HUWE1: variants seen among roughly 807,000 people sequenced by gnomAD.
HUWE1 encodes the protein HECT, UBA and WWE domain containing E3 ubiquitin protein ligase 1, also known as E3 ubiquitin-protein ligase HUWE1.
In HUWE1, 18 loss-of-function variants were observed where a neutral mutation model predicts 299.4. The observed-to-expected ratio is 0.06, with a 90% CI of 0.04 to 0.09. HUWE1 has a LOEUF of 0.09. HUWE1 is among the 10% of genes least tolerant of loss of function. The pLI, the probability that HUWE1 is intolerant of heterozygous loss-of-function variation, is 1.00. For synonymous variants in HUWE1, 1,317 were observed against 1,286.1 expected (o/e 1.02, Z -0.51); for missense variants, 1,832 against 3,462.3 (o/e 0.53, Z 11.82).
rs782493589 is a variant in HUWE1, at chrX:53,549,744, C to T, written c.9489-239G>A. Reference sequence around the variant, plus strand: ...CTGCTGTACAGCTTAGAGAATGAAGCCCCCCACCCCCACCAGCTTTTTGTT... The same window carrying T: ...CTGCTGTACAGCTTAGAGAATGAAGTCCCCCACCCCCACCAGCTTTTTGTT... On this transcript the variant is annotated intron_variant, in intron 66 of 83. Coordinates refer to ENST00000262854, the MANE Select transcript of HUWE1 (RefSeq NM_031407.7). Among the ~76,000 whole-genome samples, 169 of 108,823 alleles carry T rather than the reference C, an allele frequency of 1.6e-3. 1 individual carries two copies. The highest frequency in any genetic ancestry group is 5.3e-3 in the African/African-American group (157 of 29,854). The allele number at this position is 108,823 out of a possible 115,157, so 94.5% of individuals were successfully genotyped here.
intron 74 of HUWE1, among the ~76,000 whole-genome samples, chrX:53,540,402 C>T (rs1327699078): frequency 9.1e-6 from 1 of 110,122 alleles, no homozygotes; most frequent in Admixed American, 9.6e-5. Flanking sequence ...GACCTTGGCT[C>T]ACTGCAACCT....
At chrX:53,615,075 G>A (rs1226174802) in intron 22 of HUWE1, among the ~76,000 whole-genome samples, 2 of 105,418 alleles carry the variant, frequency 1.9e-5, no homozygotes, top group Non-Finnish European at 3.9e-5. Flanking sequence ...AGCTAATAAG[G>A]CGGGGGTGGG....
Position 53,586,485 on chromosome X carries a change from C to T in HUWE1, c.4824+5G>A. On this transcript the variant is annotated splice_donor_5th_base_variant and intron_variant, in intron 39 of 83. Coordinates refer to ENST00000262854, the MANE Select transcript of HUWE1 (RefSeq NM_031407.7). ...TCCTGCAGTCATACATACTACATTA[C>T]ACACCTTAGTCATCTGGGCTCTCCT... The T allele has an allele frequency of 8.4e-7, 1 of 1,184,130 alleles. No individual in the cohort carries two copies. The highest frequency in any genetic ancestry group is 1.1e-6 in the Non-Finnish European group (1 of 870,786).
chrX:53,668,441 CAAAAAAA>C (rs782645523), intron 3 of HUWE1, among the ~76,000 whole-genome samples: 2 of 40,356 alleles, frequency 5.0e-5, no homozygotes, highest in African/African-American at 9.0e-5. Flanking sequence ...GACTCCATCT[CAAAAAAA>C]AAAAAAAAAA....
At chrX:53,672,513 C>T (rs2149545329) in intron 3 of HUWE1, among the ~76,000 whole-genome samples, 1 of 110,929 alleles carries the variant, frequency 9.0e-6, no homozygotes, top group African/African-American at 3.3e-5. Context: ...CCCACCTTGG[C>T]CTCCCAAAGT....
intron 28 of HUWE1, among the ~76,000 whole-genome samples, chrX:53,601,356 A>AT (rs1174512723): frequency 3.7e-5 from 4 of 107,544 alleles, no homozygotes; most frequent in African/African-American, 1.0e-4. Context: ...TAATTTTTGT[A>AT]TTTTTTTTGT....
In HUWE1 at chrX:53,588,070, C is replaced by CT. The variant is rs1200519263; in HGVS notation, c.4614+311dup. ...CCAAGCTCTGTTAGTAATTTAAATA[C>CT]TTTTTTTTTAAACTACCACCTCACA... is the stretch of plus-strand genomic sequence containing the variant. On this transcript the variant is annotated intron_variant, in intron 37 of 83. Coordinates refer to ENST00000262854, the MANE Select transcript of HUWE1 (RefSeq NM_031407.7). Among the ~76,000 whole-genome samples, 423 of 110,435 alleles carry CT rather than the reference C, an allele frequency of 3.8e-3. 2 individuals carry two copies. Among genetic ancestry groups the CT allele is most frequent in the African/African-American group, 0.014 (412 of 30,364 alleles).
Position 53,535,297 on chromosome X carries a change from G to C in HUWE1, c.12649+87C>G. 6.4e-6 allele frequency: 4 copies of C among 622,725 alleles called. No homozygotes were observed. In the Admixed American group the frequency reaches 6.7e-5, roughly 10 times the overall value. The allele number at this position is 622,725 out of a possible 1,213,427, so 51.3% of individuals were successfully genotyped here. A position where few individuals can be genotyped will look rare whatever the true frequency, so the allele number is the denominator to read the frequency against. On this transcript the variant is annotated intron_variant, in intron 81 of 83. Transcript: ENST00000262854. ...AGGCATTTGTGGCTCTGTCATAGCAGAGGAAAACAAAACATGCCTATCAAA... is the reference window on the plus strand; with the variant it reads ...AGGCATTTGTGGCTCTGTCATAGCACAGGAAAACAAAACATGCCTATCAAA...
intron 26 of HUWE1, 126 bp from the exon 27 acceptor site, chrX:53,603,627 T>C: frequency 1.7e-6 from 1 of 585,853 alleles, no homozygotes; most frequent in South Asian, 2.7e-5. Flanking sequence ...CTCAGAGTTA[T>C]CCACCTCATC....
chrX:53,556,061 A>AAT (rs1244777955), intron 60 of HUWE1, among the ~76,000 whole-genome samples: 2 of 112,208 alleles, frequency 1.8e-5, no homozygotes, highest in Admixed American at 1.9e-4. Flanking sequence ...AAGGTAAAAT[A>AAT]ATTATATGCT....
Position 53,554,894 on chromosome X carries a change from G to T in HUWE1, c.8233C>A (p.Pro2745Thr). 8.4e-7 allele frequency: 1 copy of T among 1,186,609 alleles called. No homozygotes were observed. Among genetic ancestry groups the T allele is most frequent in the Non-Finnish European group, 1.1e-6 (1 of 880,673 alleles). Residue 2745 changes from proline to threonine, a missense_variant, in exon 61 of 84, where the codon CCA (proline) becomes ACA (threonine). Around this residue, in one of 15 missense-constraint regions of HUWE1, gnomAD observed 143 missense variants for 148.1 expected, o/e 0.97. Coordinates refer to ENST00000262854, the MANE Select transcript of HUWE1 (RefSeq NM_031407.7). ...SDGTPMPDSY[P>T]TTPSSTDAAT... ...GCATCAGTTGAAGATGGGGTTGTTG[G>T]GTAGCTGTCAGGCATAGGCGTCCCA...
rs139010646 is a variant in HUWE1, at chrX:53,645,225, A to G, written c.504+86T>C. On this transcript the variant is annotated intron_variant, in intron 7 of 83. Coordinates refer to ENST00000262854, the MANE Select transcript of HUWE1 (RefSeq NM_031407.7). Reference sequence around the variant, plus strand: ...GTGAAGTTAACTTAGGGATTCTAATATATTTTAACACTCCAAGAAACACCT... The same window carrying G: ...GTGAAGTTAACTTAGGGATTCTAATGTATTTTAACACTCCAAGAAACACCT... The G allele has an allele frequency of 1.4e-3, 1,401 of 988,984 alleles. 13 individuals are homozygous for G. The African/African-American group carries it at 0.025, about 17-fold the overall frequency. 81.5% of individuals were successfully genotyped at this position (988,984 alleles called of 1,213,427 possible). A position where few individuals can be genotyped will look rare whatever the true frequency, so the allele number is the denominator to read the frequency against.
intron 17 of HUWE1, among the ~76,000 whole-genome samples, chrX:53,626,530 C>T (rs782684331): frequency 2.7e-5 from 3 of 111,569 alleles, no homozygotes. Flanking sequence ...TAAAATACTA[C>T]ATACATACTT....
chrX:53,581,774 A>T (rs2063629231), intron 42 of HUWE1, among the ~76,000 whole-genome samples: 1 of 111,649 alleles, frequency 9.0e-6, no homozygotes, highest in African/African-American at 3.3e-5. Context: ...AAACACAGAA[A>T]AGTTTAATTT....
At chrX:53,602,766 C>CCT (rs1317641347) in intron 27 of HUWE1, 108 bp from the exon 28 acceptor site, 4 of 438,114 alleles carry the variant, frequency 9.1e-6, no homozygotes, top group Admixed American at 3.8e-5. Flanking sequence ...CACTATCCCT[C>CCT]CTATAGCAGG....
intron 23 of HUWE1, among the ~76,000 whole-genome samples, chrX:53,611,389 A>G (rs1167461505): frequency 9.0e-6 from 1 of 111,242 alleles, no homozygotes; most frequent in Non-Finnish European, 1.9e-5. Context: ...AAGAAGCTAG[A>G]TACAAGAAGG....
At chrX:53,667,576 C>G (rs2069308735) in intron 3 of HUWE1, among the ~76,000 whole-genome samples, 1 of 112,010 alleles carries the variant, frequency 8.9e-6, no homozygotes, top group African/African-American at 3.3e-5. Flanking sequence ...TGTGGGTACT[C>G]AAGTATGCTT....
At chrX:53,665,555 T>A (rs1324568986) in intron 3 of HUWE1, among the ~76,000 whole-genome samples, 2 of 111,773 alleles carry the variant, frequency 1.8e-5, no homozygotes, top group Non-Finnish European at 3.8e-5. Context: ...TCAAACAGTC[T>A]GGGGAAGCTG....
intron 7 of HUWE1, among the ~76,000 whole-genome samples, chrX:53,640,650 G>A (rs1040422291): frequency 1.8e-5 from 2 of 111,166 alleles, no homozygotes; most frequent in Non-Finnish European, 1.9e-5. Flanking sequence ...AATCTCTTTA[G>A]ATCAATTCAG....
Sources: gnomAD v4.1 joint callset for allele counts (sites outside exome capture counted in the v4.1 genomes callset) on GRCh38, gnomAD v4.1.1 for gene constraint, gnomAD v4.1.1 regional missense constraint, MANE v1.5 for transcripts, NCBI Gene and HGNC (gene_info 2026-07-23, HGNC 2026-07-21) for gene names.